Variants in PPP2R1B observed in about 807,000 individuals in gnomAD.
The protein encoded by PPP2R1B is protein phosphatase 2 scaffold subunit Abeta.
Under a neutral mutation model 72.7 loss-of-function variants are expected in PPP2R1B, and 58 were observed. That is an observed-to-expected ratio of 0.80 (90% CI 0.65 to 0.99). The LOEUF (loss-of-function observed/expected upper bound fraction) is 0.99, where lower values mean the gene tolerates loss of function less well. Ranked by LOEUF, PPP2R1B falls within the 50% of genes least tolerant of loss-of-function variation. PPP2R1B has a pLI of 0.00. For synonymous variants in PPP2R1B, 256 were observed against 264.6 expected, an observed-to-expected ratio of 0.97 and a Z score of 0.32; for missense variants, 695 against 733.6, an observed-to-expected ratio of 0.95 and a Z score of 0.61.
In PPP2R1B at chr11:111,739,188, T is replaced by G; in HGVS notation, c.*2408A>C. On this transcript the variant is annotated 3_prime_UTR_variant, in exon 15 of 15. Transcript: ENST00000527614. Reference sequence around the variant, plus strand: ...TTTAGAAATTCATCCATTGAACACATTTTTATTGAGCACCTATTATGTGCA... The same window carrying G: ...TTTAGAAATTCATCCATTGAACACAGTTTTATTGAGCACCTATTATGTGCA... 1 of 984,446 alleles carries G rather than the reference T, an allele frequency of 1.0e-6. No homozygotes were observed. The highest frequency in any genetic ancestry group is 1.2e-6 in the Non-Finnish European group (1 of 829,068). 61.0% of individuals were successfully genotyped at this position (984,446 alleles called of 1,614,324 possible). A position where few individuals can be genotyped will look rare whatever the true frequency, so the allele number is the denominator to read the frequency against.
At chr11:111,703,163 G>A in the PPP2R1B span, 2 of 1,585,472 alleles carry the variant, frequency 1.3e-6, no homozygotes, top group Non-Finnish European at 1.7e-6. Context: ...TGAAGTGCAA[G>A]GTGATTCTTG....
the PPP2R1B span, among the ~76,000 whole-genome samples, chr11:111,703,938 C>A: frequency 6.6e-6 from 1 of 152,150 alleles, no homozygotes; most frequent in East Asian, 1.9e-4. Flanking sequence ...CTGGAAAATT[C>A]CTCTTGGCTT....
At position 111,726,967 on chromosome 11, in the gene PPP2R1B, A is replaced by G. The variant is rs544667078; in HGVS notation, c.2002T>C (p.Ter668GlnextTer9). Residue 668 changes from the stop codon to glutamine, a stop_lost, in exon 16 of 16, where the codon TAA becomes CAA. Transcript: ENST00000311129. ...GTTCTTTTTTTAAATCTGGGGTATT[A>G]GTCTGTGCTTTGGGAGAAATGCACT... is the stretch of plus-strand genomic sequence containing the variant. The G allele has an allele frequency of 6.8e-6, 11 of 1,613,388 alleles. No homozygotes were observed. In the South Asian group the frequency reaches 1.2e-4, roughly 18 times the overall value.
chr11:111,710,724 C>T, the PPP2R1B span, among the ~76,000 whole-genome samples: 1 of 152,194 alleles, frequency 6.6e-6, no homozygotes, highest in Non-Finnish European at 1.5e-5. Context: ...ATTGTGCTCT[C>T]ACAGTTGAAG....
chr11:111,766,004 G>GA (rs2136125311), intron 1 of PPP2R1B: 1 of 585,452 alleles, frequency 1.7e-6, no homozygotes, highest in South Asian at 1.7e-5. Context: ...AACCGCCCGG[G>GA]AAGGGCAAGG....
chr11:111,697,284 C>T, the PPP2R1B span, among the ~76,000 whole-genome samples: 1 of 152,146 alleles, frequency 6.6e-6, no homozygotes, highest in African/African-American at 2.4e-5. Flanking sequence ...CATAGTAAAG[C>T]ACTTTTAAGA....
At chr11:111,707,211 TC>T in the PPP2R1B span, among the ~76,000 whole-genome samples, 1 of 152,312 alleles carries the variant, frequency 6.6e-6, no homozygotes, top group South Asian at 2.1e-4. Context: ...CAGCAGGCTT[TC>T]CCTGCCAAGT....
In PPP2R1B at chr11:111,739,320, G is replaced by T; in HGVS notation, c.*2276C>A. The T allele has an allele frequency of 1.0e-6, 1 of 977,030 alleles. No individual in the cohort carries two copies. Among genetic ancestry groups the T allele is most frequent in the African/African-American group, 1.8e-5 (1 of 56,340 alleles). The allele number at this position is 977,030 out of a possible 1,614,324, so 60.5% of individuals were successfully genotyped here. ...ATATTCCAGTGAAATCAAGATAGGA[G>T]AACTTTTCCCTTAAGTTTAAGGTAG... is the stretch of plus-strand genomic sequence containing the variant. On this transcript the variant is annotated 3_prime_UTR_variant, in exon 15 of 15. Coordinates refer to ENST00000527614, the MANE Select transcript of PPP2R1B (RefSeq NM_002716.5).
the PPP2R1B span, among the ~76,000 whole-genome samples, chr11:111,709,830 A>C: frequency 6.6e-6 from 1 of 152,220 alleles, no homozygotes; most frequent in Non-Finnish European, 1.5e-5. Flanking sequence ...CCGAGTTCAC[A>C]GTCAGTTGTA....
chr11:111,731,649 T>C (rs560242547), intron 15 of PPP2R1B, among the ~76,000 whole-genome samples: 2 of 152,298 alleles, frequency 1.3e-5, no homozygotes, highest in South Asian at 4.2e-4. Context: ...GAGCCGCTGG[T>C]CTCTGGGTAG....
downstream of PPP2R1B, chr11:111,726,868 C>G: frequency 1.8e-6 from 2 of 1,113,188 alleles, no homozygotes; most frequent in Non-Finnish European, 2.7e-6. Context: ...TCTGAAGAGA[C>G]TTTGGTGAGA....
At chr11:111,744,560 C>G (rs771634354) in intron 11 of PPP2R1B, among the ~76,000 whole-genome samples, 1 of 152,204 alleles carries the variant, frequency 6.6e-6, no homozygotes, top group Non-Finnish European at 1.5e-5. Context: ...AGCCTGGTGT[C>G]ACTTCACTTT....
intron 5 of PPP2R1B, among the ~76,000 whole-genome samples, chr11:111,755,684 G>C (rs1555049473): frequency 6.6e-6 from 1 of 150,600 alleles, no homozygotes; most frequent in Non-Finnish European, 1.5e-5. Flanking sequence ...CCGCCTCCCA[G>C]GCTCAAGTGA....
the PPP2R1B span, among the ~76,000 whole-genome samples, chr11:111,697,653 G>T: frequency 6.6e-6 from 1 of 152,078 alleles, no homozygotes; most frequent in Non-Finnish European, 1.5e-5. Flanking sequence ...TCCCCAATCT[G>T]CCTAACACCA....
intron 1 of PPP2R1B, chr11:111,765,882 C>A (rs549728976): frequency 4.3e-5 from 21 of 492,700 alleles, no homozygotes; most frequent in South Asian, 3.2e-4. Context: ...GCCCCTCAGC[C>A]GCTCCAGCCC....
At chr11:111,698,438 T>G in the PPP2R1B span, among the ~76,000 whole-genome samples, 2 of 152,162 alleles carry the variant, frequency 1.3e-5, no homozygotes, top group Non-Finnish European at 2.9e-5. Context: ...TAAGGGCTCC[T>G]GGAGACATTA....
the PPP2R1B span, chr11:111,704,936 T>TCGG: frequency 6.7e-7 from 1 of 1,498,780 alleles, no homozygotes; most frequent in Admixed American, 2.5e-5. Context: ...GTGTAGATCA[T>TCGG]TGCATTGGTC....
At chr11:111,718,037 A>ACCTGCACAT in the PPP2R1B span, among the ~76,000 whole-genome samples, 1 of 152,154 alleles carries the variant, frequency 6.6e-6, no homozygotes. Context: ...TATGTAACAA[A>ACCTGCACAT]CCTGCACATC....
At chr11:111,698,280 C>CCAGCTCTTGTTCT in the PPP2R1B span, among the ~76,000 whole-genome samples, 1 of 152,180 alleles carries the variant, frequency 6.6e-6, no homozygotes, top group African/African-American at 2.4e-5. Flanking sequence ...AGAAGTGTTC[C>CCAGCTCTTGTTCT]CAGCTCTTGT....
Sources: allele counts gnomAD v4.1 joint callset (sites outside exome capture counted in the v4.1 genomes callset), GRCh38; gene constraint gnomAD v4.1.1; transcripts MANE v1.5; gene names NCBI Gene and HGNC (gene_info 2026-07-23, HGNC 2026-07-21).